Variants in RIMS2 observed in about 807,000 individuals in gnomAD.
RIMS2 encodes regulating synaptic membrane exocytosis protein 2.
Under a neutral mutation model 174.4 loss-of-function variants are expected in RIMS2, and 59 were observed. That is an observed-to-expected ratio of 0.34 (90% CI 0.27 to 0.42). RIMS2 has a LOEUF of 0.42. Among genes scored for constraint, RIMS2 ranks in the 10% least tolerant of loss-of-function variants. RIMS2 has a pLI of 1.00. For missense variants in RIMS2, 1,620 were observed against 1,666.3 expected (o/e 0.97, Z 0.48); for synonymous variants, 606 against 572.5 (o/e 1.06, Z -0.84).
intron 1 of RIMS2, among the ~76,000 whole-genome samples, chr8:103,528,984 G>T (rs1209547108): frequency 1.3e-5 from 2 of 152,188 alleles, no homozygotes. Context: ...ACCTTGGGCA[G>T]TATGGCCAGT....
chr8:103,696,709 T>C (rs577846198), intron 1 of RIMS2, among the ~76,000 whole-genome samples: 1 of 151,400 alleles, frequency 6.6e-6, no homozygotes, highest in South Asian at 2.1e-4. Context: ...ACTAAAAATA[T>C]AAAAATTAGC....
At chr8:103,737,406 C>T (rs760917257) in intron 2 of RIMS2, among the ~76,000 whole-genome samples, 1 of 151,874 alleles carries the variant, frequency 6.6e-6, no homozygotes, top group Non-Finnish European at 1.5e-5. Flanking sequence ...AGGCTTGTCT[C>T]AAACTCCCAA....
At chr8:104,136,572 A>G (rs1175807196) in intron 19 of RIMS2, among the ~76,000 whole-genome samples, 1 of 152,214 alleles carries the variant, frequency 6.6e-6, no homozygotes, top group South Asian at 2.1e-4. Context: ...GATAGACTGT[A>G]TAAAGAAAAT....
Position 103,680,080 on chromosome 8 carries a change from C to T in RIMS2, c.177-17006C>T, listed in dbSNP as rs139621687. Among the ~76,000 whole-genome samples, 641 of 152,078 alleles carry T rather than the reference C, an allele frequency of 4.2e-3. 4 individuals carry two copies. The highest frequency in any genetic ancestry group is 0.015 in the African/African-American group (612 of 41,526). On this transcript the variant is annotated intron_variant, in intron 1 of 23. Transcript: ENST00000504942. Reference sequence around the variant, plus strand: ...GTTTGTTGACTTCTGATCTACATCACTAGAAAGTTATATATTCAAATTTAT... The same window carrying T: ...GTTTGTTGACTTCTGATCTACATCATTAGAAAGTTATATATTCAAATTTAT...
intron 11 of RIMS2, among the ~76,000 whole-genome samples, chr8:103,930,415 G>T (rs1365661801): frequency 6.6e-6 from 1 of 152,038 alleles, no homozygotes; most frequent in African/African-American, 2.4e-5. Flanking sequence ...GGTTAGGTAT[G>T]TGCTGAGTTC....
chr8:103,643,673 A>G (rs2096272688), intron 1 of RIMS2, among the ~76,000 whole-genome samples: 1 of 151,926 alleles, frequency 6.6e-6, no homozygotes. Flanking sequence ...TCCTTACTAA[A>G]TAGTTTCTGA....
intron 1 of RIMS2, among the ~76,000 whole-genome samples, chr8:103,589,789 C>A (rs149974746): frequency 6.6e-6 from 1 of 151,438 alleles, no homozygotes; most frequent in East Asian, 1.9e-4. Context: ...ATAACATGGA[C>A]GGAACTGGAG....
intron 1 of RIMS2, among the ~76,000 whole-genome samples, chr8:103,515,004 A>C (rs149219669): frequency 5.2e-4 from 79 of 152,278 alleles, no homozygotes; most frequent in Non-Finnish European, 9.1e-4. Flanking sequence ...TTATGCTATT[A>C]GAATTTTGAA....
At position 103,920,129 on chromosome 8, in the gene RIMS2, C is replaced by T. The variant is rs533008156; in HGVS notation, c.2084-1543C>T. Reference sequence around the variant, plus strand: ...AATTCCAAAATCGTTTCTGAGGAGACAGGGGTCCTTTCTCAGATTAGATCC... The same window carrying T: ...AATTCCAAAATCGTTTCTGAGGAGATAGGGGTCCTTTCTCAGATTAGATCC... On this transcript the variant is annotated intron_variant, in intron 9 of 23. Transcript: ENST00000504942. 1.7e-3 allele frequency among the ~76,000 whole-genome samples: 260 copies of T among 152,206 alleles called. 1 individual carries two copies. Among genetic ancestry groups the T allele is most frequent in the Non-Finnish European group, 2.9e-3 (196 of 68,006 alleles).
At chr8:103,524,090 G>A (rs957366761) in intron 1 of RIMS2, among the ~76,000 whole-genome samples, 1 of 152,040 alleles carries the variant, frequency 6.6e-6, no homozygotes, top group Non-Finnish European at 1.5e-5. Context: ...AGTTTCAGAG[G>A]GACTTTCTGT....
intron 2 of RIMS2, among the ~76,000 whole-genome samples, chr8:103,710,839 T>C (rs2097294648): frequency 6.6e-6 from 1 of 152,184 alleles, no homozygotes; most frequent in Non-Finnish European, 1.5e-5. Flanking sequence ...AAAATTTTAT[T>C]TTATTTTTAG....
chr8:103,603,801 G>C (rs1409936854), intron 1 of RIMS2, among the ~76,000 whole-genome samples: 243 of 149,112 alleles, frequency 1.6e-3, no homozygotes, highest in Non-Finnish European at 2.5e-3. Flanking sequence ...GTCTTCTTTT[G>C]AGAAGTGTCT....
intron 9 of RIMS2, 83 bp from the exon 13 acceptor site, chr8:103,921,589 A>G: frequency 1.4e-6 from 1 of 706,342 alleles, no homozygotes; most frequent in South Asian, 1.5e-5. Flanking sequence ...AAAAATAAAT[A>G]ATTTAAAAGA....
chr8:103,942,940 A>C lies in RIMS2; in HGVS notation c.2701+14A>C. 1 of 1,589,426 alleles carries C rather than the reference A, an allele frequency of 6.3e-7. No individual in the cohort carries two copies. Among genetic ancestry groups the C allele is most frequent in the Non-Finnish European group, 8.6e-7 (1 of 1,165,438 alleles). On this transcript the variant is annotated intron_variant, in intron 14 of 23. Coordinates refer to ENST00000504942, the Ensembl canonical transcript of RIMS2. ...GGAGGTTGCAAAGTAAGTTTTACTA[A>C]AATTCTTTCATATTTTTATTGTATT...
intron 1 of RIMS2, among the ~76,000 whole-genome samples, chr8:103,600,365 G>A (rs2094674518): frequency 6.6e-6 from 1 of 152,162 alleles, no homozygotes; most frequent in African/African-American, 2.4e-5. Flanking sequence ...TGCCTCCTGG[G>A]TTCGAGCAAT....
At chr8:104,169,543 C>G (rs565145542) in intron 19 of RIMS2, among the ~76,000 whole-genome samples, 1 of 151,774 alleles carries the variant, frequency 6.6e-6, no homozygotes, top group East Asian at 1.9e-4. Flanking sequence ...AGTTTCATTT[C>G]TAATTGAGCT....
At chr8:104,073,306 A>G (rs2097227316) in intron 19 of RIMS2, among the ~76,000 whole-genome samples, 1 of 152,204 alleles carries the variant, frequency 6.6e-6, no homozygotes, top group Non-Finnish European at 1.5e-5. Flanking sequence ...GCCATATTTA[A>G]TATTTTTAAA....
chr8:103,617,385 T>G (rs890535147), intron 1 of RIMS2, among the ~76,000 whole-genome samples: 1 of 152,138 alleles, frequency 6.6e-6, no homozygotes, highest in African/African-American at 2.4e-5. Flanking sequence ...GACTTAAATG[T>G]GAAACCCAAA....
At chr8:104,062,675 G>GT (rs1473703349) in intron 19 of RIMS2, among the ~76,000 whole-genome samples, 1 of 152,044 alleles carries the variant, frequency 6.6e-6, no homozygotes, top group Non-Finnish European at 1.5e-5. Flanking sequence ...CTGATGATAC[G>GT]TTTTTATTCA....
Sources: gnomAD v4.1 joint callset for allele counts (sites outside exome capture counted in the v4.1 genomes callset) on GRCh38, gnomAD v4.1.1 for gene constraint, MANE v1.5 for transcripts, NCBI Gene and HGNC (gene_info 2026-07-23, HGNC 2026-07-21) for gene names.